CDH22: variants seen among roughly 807,000 people sequenced by gnomAD.
CDH22 encodes the protein cadherin-22.
A neutral mutation model predicts 58.4 loss-of-function variants in CDH22; 30 were observed. The ratio of observed to expected loss-of-function variants is 0.51; its 90% confidence interval spans 0.38 to 0.70. The LOEUF is 0.70. Among genes scored for constraint, CDH22 ranks in the 30% least tolerant of loss-of-function variants. The pLI, the probability that CDH22 is intolerant of heterozygous loss-of-function variation, is 0.00. For missense variants in CDH22, 1,014 were observed against 1,233.9 expected (o/e 0.82, Z 2.67); for synonymous variants, 513 against 558.2 (o/e 0.92, Z 1.14).
At chr20:46,302,422 A>C (rs1470735598) in intron 1 of CDH22, among the ~76,000 whole-genome samples, 1 of 152,148 alleles carries the variant, frequency 6.6e-6, no homozygotes, top group African/African-American at 2.4e-5. Context: ...GGGGGGCAAA[A>C]TTGCCCCCAG....
intron 7 of CDH22, among the ~76,000 whole-genome samples, chr20:46,202,976 C>T (rs1002891600): frequency 6.6e-6 from 1 of 152,186 alleles, no homozygotes. Context: ...GTTTCTCCTC[C>T]CTTCTTGGCT....
At position 46,199,662 on chromosome 20, in the gene CDH22, G is replaced by T. The variant is rs912885703; in HGVS notation, c.1287-103C>A. On this transcript the variant is annotated intron_variant, in intron 7 of 11. Coordinates refer to ENST00000537909, the MANE Select transcript of CDH22 (RefSeq NM_021248.3). ...TCCAAGAGAGGGACCGCCTGCCTTGGACACACACAAGGGGCAGAGAAACCC... is the reference window on the plus strand; with the variant it reads ...TCCAAGAGAGGGACCGCCTGCCTTGTACACACACAAGGGGCAGAGAAACCC... The T allele has an allele frequency of 4.3e-6, 6 of 1,409,004 alleles. No individual in the cohort carries two copies. The African/African-American group carries it at 7.1e-5, about 17-fold the overall frequency. The allele number at this position is 1,409,004 out of a possible 1,614,324, so 87.3% of individuals were successfully genotyped here.
intron 5 of CDH22, among the ~76,000 whole-genome samples, chr20:46,214,980 A>C (rs1040007613): frequency 1.3e-5 from 2 of 152,248 alleles, no homozygotes; most frequent in Admixed American, 6.5e-5. Flanking sequence ...ATGAATGAAA[A>C]CCAGCATGAG....
chr20:46,209,284 T>C (rs2086022291), intron 7 of CDH22, among the ~76,000 whole-genome samples: 1 of 152,174 alleles, frequency 6.6e-6, no homozygotes, highest in Admixed American at 6.5e-5. Flanking sequence ...GGATCCGCTG[T>C]AGCACAGGCC....
In CDH22 at chr20:46,293,559, T is replaced by A. The variant is rs150409042; in HGVS notation, c.-400+14696A>T. ...TCTAATAGTCGTTTGAGGAATCCAC[T>A]CTTCCTCTGAGCCACATGTCCCCAA... On this transcript the variant is annotated intron_variant, in intron 1 of 11. Transcript: ENST00000537909. Among the ~76,000 whole-genome samples, 6 of 152,240 alleles carry A rather than the reference T, an allele frequency of 3.9e-5. No individual in the cohort carries two copies. In the East Asian group the frequency reaches 1.2e-3, roughly 29 times the overall value.
Position 46,210,160 on chromosome 20 carries a change from G to A in CDH22, c.1286+147C>T, listed in dbSNP as rs1406345970. ...TCCGTGCCTGTTTCTCTCCACCCGTGCGCCTCTCTCCGCGCCTCCCTCCCC... is the reference window on the plus strand; with the variant it reads ...TCCGTGCCTGTTTCTCTCCACCCGTACGCCTCTCTCCGCGCCTCCCTCCCC... On this transcript the variant is annotated intron_variant, in intron 7 of 11. Transcript: ENST00000537909. This position sits in a 1 kb window ranked among gnomAD's most constrained non-coding sequence, Gnocchi z 4.5. The A allele has an allele frequency of 7.9e-6, 6 of 761,920 alleles. No homozygotes were observed. Among genetic ancestry groups the A allele is most frequent in the Non-Finnish European group, 1.1e-5 (6 of 530,396 alleles). The allele number at this position is 761,920 out of a possible 1,614,324, so 47.2% of individuals were successfully genotyped here.
Position 46,174,584 on chromosome 20 carries a change from G to C in CDH22, c.2409C>G (p.Ser803Arg). ...GGGGCCGGAAGCGCGGACCCCAGCT[G>C]CTGAGATAGGCGAAGTCCTGCTCGG... ...SGSEQDFAYL[S>R]SWGPRFRPLA... Residue 803 changes from serine to arginine, a missense_variant, in exon 12 of 12, where the codon AGC becomes AGG. Transcript: ENST00000537909. This position sits in a 1 kb window ranked among gnomAD's most constrained non-coding sequence, Gnocchi z 4.4. The C allele has an allele frequency of 2.0e-6, 3 of 1,532,990 alleles. No homozygotes were observed. Among genetic ancestry groups the C allele is most frequent in the Non-Finnish European group, 2.6e-6 (3 of 1,144,764 alleles). 95.0% of individuals were successfully genotyped at this position (1,532,990 alleles called of 1,614,324 possible). A position where few individuals can be genotyped will look rare whatever the true frequency, so the allele number is the denominator to read the frequency against.
At chr20:46,237,651 C>T (rs1211734566) in intron 3 of CDH22, among the ~76,000 whole-genome samples, 2 of 152,144 alleles carry the variant, frequency 1.3e-5, no homozygotes, top group African/African-American at 2.4e-5. Flanking sequence ...CCCCCACTCC[C>T]GACATTTTTC....
rs925693035 is a variant in CDH22 at position 46,227,850 on chromosome 20, G to A, written c.551-223C>T. Among the ~76,000 whole-genome samples, 14 of 152,330 alleles carry A rather than the reference G, an allele frequency of 9.2e-5. No individual in the cohort carries two copies. In the South Asian group the frequency reaches 2.5e-3, roughly 27 times the overall value. The stretch of plus-strand genomic sequence containing the variant: ...CAAGTGTGACCATGGAGTCAGATCT[G>A]GATTCAAGTCCCCTTGGGGTGGTTC... On this transcript the variant is annotated intron_variant, in intron 3 of 11. Coordinates refer to ENST00000537909, the MANE Select transcript of CDH22 (RefSeq NM_021248.3).
chr20:46,212,724 G>C (rs763609302), intron 6 of CDH22, among the ~76,000 whole-genome samples: 1 of 152,204 alleles, frequency 6.6e-6, no homozygotes, highest in Non-Finnish European at 1.5e-5. Flanking sequence ...TGAAGCACAC[G>C]TCAGAGTGTT....
At chr20:46,247,163 T>C (rs2086336120) in intron 2 of CDH22, among the ~76,000 whole-genome samples, 1 of 152,128 alleles carries the variant, frequency 6.6e-6, no homozygotes, top group South Asian at 2.1e-4. Context: ...CTATCCATAA[T>C]AGTGAGACTT....
At chr20:46,254,478 C>T (rs780814698) in intron 1 of CDH22, among the ~76,000 whole-genome samples, 1 of 149,998 alleles carries the variant, frequency 6.7e-6, no homozygotes, top group Non-Finnish European at 1.5e-5. Flanking sequence ...TCACTTGAAC[C>T]TGGGAGGTGG....
intron 3 of CDH22, among the ~76,000 whole-genome samples, chr20:46,233,682 A>T (rs2086234255): frequency 6.6e-6 from 1 of 152,188 alleles, no homozygotes; most frequent in Non-Finnish European, 1.5e-5. Flanking sequence ...GATGGAAAAG[A>T]CAAAAAGAGA....
At chr20:46,235,472 C>T (rs1180400237) in intron 3 of CDH22, among the ~76,000 whole-genome samples, 1 of 152,228 alleles carries the variant, frequency 6.6e-6, no homozygotes, top group Non-Finnish European at 1.5e-5. Flanking sequence ...GACATCTAGA[C>T]TCATAGATCC....
intron 1 of CDH22, among the ~76,000 whole-genome samples, chr20:46,254,909 G>A (rs1298759641): frequency 6.6e-6 from 1 of 152,226 alleles, no homozygotes; most frequent in Admixed American, 6.5e-5. Flanking sequence ...AGTGCAGGAT[G>A]CATCTGGACA....
intron 4 of CDH22, among the ~76,000 whole-genome samples, chr20:46,218,483 T>G (rs1427052953): frequency 6.6e-6 from 1 of 152,200 alleles, no homozygotes; most frequent in East Asian, 1.9e-4. Flanking sequence ...CACTATGCTG[T>G]CACACTCACC....
intron 8 of CDH22, among the ~76,000 whole-genome samples, chr20:46,194,694 GC>G (rs2145663913): frequency 6.6e-6 from 1 of 152,310 alleles, no homozygotes; most frequent in South Asian, 2.1e-4. Context: ...ACAATGCCTG[GC>G]ATATTGTAAG....
chr20:46,282,664 T>C (rs1015373177), intron 1 of CDH22, among the ~76,000 whole-genome samples: 11 of 152,166 alleles, frequency 7.2e-5, no homozygotes, highest in Non-Finnish European at 1.6e-4. Flanking sequence ...TTATTTATAA[T>C]TCAATATCGG....
At chr20:46,177,138 G>A (rs1035661953) in intron 11 of CDH22, among the ~76,000 whole-genome samples, 1 of 152,138 alleles carries the variant, frequency 6.6e-6, no homozygotes, top group Admixed American at 6.5e-5. Flanking sequence ...GACAGAGGCC[G>A]TGCCAGTGCC....
Sources: gnomAD v4.1 joint callset for allele counts (sites outside exome capture counted in the v4.1 genomes callset) on GRCh38, gnomAD v4.1.1 for gene constraint, Gnocchi (gnomAD v3.1) non-coding constraint, MANE v1.5 for transcripts, NCBI Gene and HGNC (gene_info 2026-07-23, HGNC 2026-07-21) for gene names.